The following PANX1 variants were observed in gnomAD, a reference collection of about 807,000 sequenced individuals.
PANX1 encodes pannexin 1.
Under a neutral mutation model 38.7 loss-of-function variants are expected in PANX1, and 30 were observed. The observed-to-expected ratio is 0.78, with a 90% CI of 0.58 to 1.05. The LOEUF (loss-of-function observed/expected upper bound fraction) is 1.05. Among genes scored for constraint, PANX1 ranks in the 50% least tolerant of loss-of-function variants. The probability of loss-of-function intolerance (pLI) is 0.00; values close to 1 mark genes in which losing one functional copy is unlikely to be tolerated. For missense variants in PANX1, 551 were observed against 517.2 expected, an observed-to-expected ratio of 1.07 and a Z score of -0.63; for synonymous variants, 230 against 212.2, an observed-to-expected ratio of 1.08 and a Z score of -0.73.
chr11:94,177,926 T>C (rs1468531326), intron 2 of PANX1, among the ~76,000 whole-genome samples: 1 of 151,926 alleles, frequency 6.6e-6, no homozygotes, highest in Non-Finnish European at 1.5e-5. Flanking sequence ...CATGTTTCTT[T>C]GGCATTTTCC....
chr11:94,140,563 A>G (rs377100731), intron 1 of PANX1, among the ~76,000 whole-genome samples: 12 of 152,218 alleles, frequency 7.9e-5, no homozygotes, highest in African/African-American at 2.4e-4. Context: ...CTATACCTCA[A>G]TTCATTTAAC....
chr11:94,133,077 T>A (rs1946649906), intron 1 of PANX1, among the ~76,000 whole-genome samples: 1 of 152,268 alleles, frequency 6.6e-6, no homozygotes, highest in South Asian at 2.1e-4. Flanking sequence ...TGAGCCTGCC[T>A]GGGCCACAGA....
intron 1 of PANX1, among the ~76,000 whole-genome samples, chr11:94,138,573 C>A (rs771484035): frequency 2.0e-5 from 3 of 152,154 alleles, no homozygotes; most frequent in Non-Finnish European, 2.9e-5. Context: ...TATTTTGACA[C>A]AGGCATACAA....
Position 94,129,306 on chromosome 11 carries a change from C to T in PANX1, c.-7C>T. 1 of 1,598,608 alleles carries T rather than the reference C, an allele frequency of 6.3e-7. No individual in the cohort carries two copies. The highest frequency in any genetic ancestry group is 8.6e-7 in the Non-Finnish European group (1 of 1,168,178). On this transcript the variant is annotated 5_prime_UTR_variant, in exon 1 of 5. Coordinates refer to ENST00000227638, the MANE Select transcript of PANX1 (RefSeq NM_015368.4). ...GACCTCCTGGTCGAGCCTGGCGCGC[C>T]GCAGCCATGGCCATCGCTCAACTGG...
intron 1 of PANX1, among the ~76,000 whole-genome samples, chr11:94,139,062 A>G (rs1202217730): frequency 6.6e-6 from 1 of 152,162 alleles, no homozygotes; most frequent in African/African-American, 2.4e-5. Context: ...TTCGTTATTC[A>G]TTGATCCTTG....
At chr11:94,154,728 C>T (rs1424504655) in intron 2 of PANX1, among the ~76,000 whole-genome samples, 1 of 152,152 alleles carries the variant, frequency 6.6e-6, no homozygotes, top group African/African-American at 2.4e-5. Context: ...TTGTGTGTAA[C>T]ATTTGACTTC....
At chr11:94,139,108 G>C (rs1265209526) in intron 1 of PANX1, among the ~76,000 whole-genome samples, 1 of 152,154 alleles carries the variant, frequency 6.6e-6, no homozygotes, top group Admixed American at 6.5e-5. Flanking sequence ...TCAAGTAAGT[G>C]AGCCTATTTT....
At chr11:94,143,089 T>C (rs1318168688) in intron 1 of PANX1, among the ~76,000 whole-genome samples, 1 of 152,266 alleles carries the variant, frequency 6.6e-6, no homozygotes, top group Non-Finnish European at 1.5e-5. Flanking sequence ...CCTTTTCATG[T>C]TGCCAGAGTC....
At chr11:94,150,669 C>T (rs188183621) in intron 1 of PANX1, among the ~76,000 whole-genome samples, 225 of 152,272 alleles carry the variant, frequency 1.5e-3, no homozygotes, top group African/African-American at 5.1e-3. Flanking sequence ...CTTTGCCCCC[C>T]TCTTCACTCC....
At chr11:94,151,158 C>G (rs935503104) in intron 1 of PANX1, among the ~76,000 whole-genome samples, 2 of 152,180 alleles carry the variant, frequency 1.3e-5, no homozygotes, top group Admixed American at 1.3e-4. Context: ...GAGTTGGCCA[C>G]TGCCTTTTCT....
chr11:94,160,748 G>A (rs1290927327), intron 2 of PANX1, among the ~76,000 whole-genome samples: 1 of 152,148 alleles, frequency 6.6e-6, no homozygotes. Context: ...ATTGTTATGT[G>A]TGAATGTGAT....
At chr11:94,173,286 GTCT>G (rs2134519612) in intron 2 of PANX1, among the ~76,000 whole-genome samples, 1 of 151,640 alleles carries the variant, frequency 6.6e-6, no homozygotes, top group East Asian at 1.9e-4. Flanking sequence ...TGGTCTTCTG[GTCT>G]TCTCCTTCTG....
chr11:94,159,619 TTTTC>T (rs1413165961), intron 2 of PANX1, among the ~76,000 whole-genome samples: 1 of 152,150 alleles, frequency 6.6e-6, no homozygotes, highest in Non-Finnish European at 1.5e-5. Flanking sequence ...TTCTTCTCTC[TTTTC>T]TTTATTAGTC....
chr11:94,135,978 C>G (rs749217248), intron 1 of PANX1, among the ~76,000 whole-genome samples: 1 of 152,118 alleles, frequency 6.6e-6, no homozygotes. Context: ...AATATACTTA[C>G]AATTCATCTA....
rs533192040 is a variant in PANX1 at position 94,157,956 on chromosome 11, A to G, written c.321+4326A>G. On this transcript the variant is annotated intron_variant, in intron 2 of 4. Coordinates refer to ENST00000227638, the MANE Select transcript of PANX1 (RefSeq NM_015368.4). Reference sequence around the variant, plus strand: ...AAGGGGGATCCAGCTTCAGCTTTCTATGTATAGCTAGCCAGTTTTCCCAGT... The same window carrying G: ...AAGGGGGATCCAGCTTCAGCTTTCTGTGTATAGCTAGCCAGTTTTCCCAGT... Among the ~76,000 whole-genome samples the G allele has an allele frequency of 1.6e-4, 25 of 152,262 alleles. No individual in the cohort carries two copies. In the South Asian group the frequency reaches 3.7e-3, roughly 23 times the overall value.
At chr11:94,174,047 C>T (rs1213342863) in intron 2 of PANX1, among the ~76,000 whole-genome samples, 1 of 151,430 alleles carries the variant, frequency 6.6e-6, no homozygotes, top group Non-Finnish European at 1.5e-5. Context: ...ATGCATCACT[C>T]CAGTCTCTAC....
At chr11:94,157,660 G>C (rs1320715329) in intron 2 of PANX1, among the ~76,000 whole-genome samples, 2 of 152,108 alleles carry the variant, frequency 1.3e-5, no homozygotes, top group East Asian at 3.9e-4. Flanking sequence ...TGAGTAGGTT[G>C]TGAAAATTTT....
At position 94,181,577 on chromosome 11, in the gene PANX1, C is replaced by T. The variant is rs937527007; in HGVS notation, c.*708C>T. On this transcript the variant is annotated 3_prime_UTR_variant, in exon 5 of 5. Transcript: ENST00000227638. ...AAGGATATTCACAGTGACTTCAATT[C>T]AGGAAGAATGCTTCCAAAAGAGCCC... The T allele has an allele frequency of 6.6e-6, 1 of 152,252 alleles. No individual in the cohort carries two copies. Among genetic ancestry groups the T allele is most frequent in the African/African-American group, 2.4e-5 (1 of 41,468 alleles). 9.4% of individuals were successfully genotyped at this position (152,252 alleles called of 1,614,324 possible).
At chr11:94,137,868 T>TCTTGGTCTGTTTTCCCCCA (rs1163050417) in intron 1 of PANX1, among the ~76,000 whole-genome samples, 1 of 24,854 alleles carries the variant, frequency 4.0e-5, no homozygotes, top group African/African-American at 4.0e-4. Flanking sequence ...CTACTATTCT[T>TCTTGGTCTGTTTTCCCCCA]GAAAAACCAA....
Sources: allele counts gnomAD v4.1 joint callset (sites outside exome capture counted in the v4.1 genomes callset), GRCh38; gene constraint gnomAD v4.1.1; transcripts MANE v1.5; gene names NCBI Gene and HGNC (gene_info 2026-07-23, HGNC 2026-07-21).